The following MAGI2 variants were observed in gnomAD, a reference collection of about 807,000 sequenced individuals.
MAGI2 encodes membrane-associated guanylate kinase, WW and PDZ domain-containing protein 2.
Under a neutral mutation model 133.3 loss-of-function variants are expected in MAGI2, and 35 were observed. The observed-to-expected ratio is 0.26, with a 90% CI of 0.20 to 0.35. The LOEUF is 0.35. Ranked by LOEUF, MAGI2 falls within the 10% of genes least tolerant of loss-of-function variation. MAGI2 has a pLI of 1.00. For synonymous variants in MAGI2, 729 were observed against 710.6 expected (o/e 1.03, Z -0.41); for missense variants, 1,636 against 1,863.4 (o/e 0.88, Z 2.25).
chr7:78,815,762 A>G lies in MAGI2; in HGVS notation c.419-188523T>C, dbSNP rs184851439. 1.8e-4 allele frequency among the ~76,000 whole-genome samples: 28 copies of G among 152,312 alleles called. No homozygotes were observed. The East Asian group carries it at 4.8e-3, about 26-fold the overall frequency. On this transcript the variant is annotated intron_variant, in intron 2 of 21. Coordinates refer to ENST00000354212, the MANE Select transcript of MAGI2 (RefSeq NM_012301.4). ...GACAGCAAAATTAATCAAGAAATGT[A>G]TATATTCTTACTGCTCCACCAAATA...
chr7:78,213,306 G>C (rs1787949626), intron 10 of MAGI2, among the ~76,000 whole-genome samples: 1 of 152,050 alleles, frequency 6.6e-6, no homozygotes, highest in East Asian at 1.9e-4. Flanking sequence ...ATCTTGACAG[G>C]GTCCCCAGGT....
At chr7:79,209,934 A>G (rs1188209469) in intron 1 of MAGI2, among the ~76,000 whole-genome samples, 1 of 151,964 alleles carries the variant, frequency 6.6e-6, no homozygotes, top group African/African-American at 2.4e-5. Flanking sequence ...ACTCTATTTT[A>G]TTTTTATTTA....
chr7:79,039,847 C>CAT (rs1046172671), intron 1 of MAGI2, among the ~76,000 whole-genome samples: 120 of 140,420 alleles, frequency 8.5e-4, no homozygotes, highest in African/African-American at 2.9e-3. Context: ...ATTATATATA[C>CAT]ATATATATTA....
At chr7:78,252,328 A>T (rs946424982) in intron 10 of MAGI2, 1 of 152,100 alleles carries the variant, frequency 6.6e-6, no homozygotes, top group African/African-American at 2.4e-5. Flanking sequence ...AGACAAACAG[A>T]TCAATGGAAC....
intron 1 of MAGI2, among the ~76,000 whole-genome samples, chr7:79,076,152 T>C (rs764068473): frequency 6.6e-6 from 1 of 152,220 alleles, no homozygotes. Context: ...CTCAACTTTA[T>C]GGTGCATCAA....
intron 20 of MAGI2, among the ~76,000 whole-genome samples, chr7:78,102,534 A>G (rs1818295620): frequency 6.6e-6 from 1 of 152,164 alleles, no homozygotes; most frequent in South Asian, 2.1e-4. Context: ...AAAGAAAATT[A>G]TCTTAAACTT....
At chr7:79,087,220 T>G (rs1436178287) in intron 1 of MAGI2, among the ~76,000 whole-genome samples, 3 of 151,766 alleles carry the variant, frequency 2.0e-5, no homozygotes, top group African/African-American at 7.3e-5. Context: ...TATTCAAGAG[T>G]GAAAGGCTGC....
intron 4 of MAGI2, among the ~76,000 whole-genome samples, chr7:78,513,595 T>C (rs1292365254): frequency 6.6e-6 from 1 of 152,144 alleles, no homozygotes; most frequent in Non-Finnish European, 1.5e-5. Context: ...CTGGAGAACC[T>C]GAAGAAACTT....
intron 6 of MAGI2, among the ~76,000 whole-genome samples, chr7:78,369,886 A>G (rs1456881364): frequency 7.2e-5 from 11 of 152,066 alleles, no homozygotes; most frequent in Non-Finnish European, 1.6e-4. Flanking sequence ...ATCCTATTAC[A>G]GGCAAAAACA....
intron 1 of MAGI2, among the ~76,000 whole-genome samples, chr7:79,024,103 C>T (rs1195693385): frequency 2.0e-5 from 3 of 152,094 alleles, no homozygotes; most frequent in Admixed American, 1.3e-4. Context: ...GCTACATTCA[C>T]CAAAACAGCA....
intron 2 of MAGI2, among the ~76,000 whole-genome samples, chr7:78,864,221 C>T (rs951994445): frequency 7.2e-5 from 11 of 152,142 alleles, no homozygotes; most frequent in Admixed American, 7.2e-4. Flanking sequence ...TGGGCTTACC[C>T]TTACAACAAA....
intron 1 of MAGI2, among the ~76,000 whole-genome samples, chr7:79,363,682 CA>C (rs1842507333): frequency 8.2e-6 from 1 of 122,204 alleles, no homozygotes; most frequent in East Asian, 2.4e-4. Context: ...AGTACTGGCA[CA>C]AAACTGAAAA....
At chr7:78,368,906 T>C (rs569006621) in intron 7 of MAGI2, among the ~76,000 whole-genome samples, 2 of 152,230 alleles carry the variant, frequency 1.3e-5, no homozygotes, top group South Asian at 2.1e-4. Context: ...TATCACTCAT[T>C]TAGAGGACAG....
At chr7:79,189,536 C>T (rs78350190) in intron 1 of MAGI2, among the ~76,000 whole-genome samples, 4,427 of 151,112 alleles carry the variant, frequency 0.029, 101 homozygotes, top group East Asian at 0.04. Flanking sequence ...TTCCATTTAC[C>T]CCTTCTATTC....
intron 2 of MAGI2, among the ~76,000 whole-genome samples, chr7:78,703,608 A>G (rs563233997): frequency 2.6e-5 from 4 of 152,172 alleles, no homozygotes; most frequent in East Asian, 1.9e-4. Flanking sequence ...GCACTTCCCT[A>G]TAGATATGAA....
chr7:78,299,962 A>C (rs1403361033), intron 9 of MAGI2, among the ~76,000 whole-genome samples: 1 of 152,200 alleles, frequency 6.6e-6, no homozygotes, highest in African/African-American at 2.4e-5. Flanking sequence ...TTTCTTTTTC[A>C]TCATGGAATT....
At chr7:79,316,693 A>T (rs546558021) in intron 1 of MAGI2, among the ~76,000 whole-genome samples, 2 of 152,274 alleles carry the variant, frequency 1.3e-5, no homozygotes, top group Admixed American at 6.5e-5. Context: ...TATCAGACCA[A>T]TTCCGTCTCT....
intron 2 of MAGI2, among the ~76,000 whole-genome samples, chr7:78,840,458 G>T (rs749884883): frequency 1.3e-5 from 2 of 151,972 alleles, no homozygotes; most frequent in Admixed American, 1.3e-4. Flanking sequence ...TCTGTGGTGC[G>T]CCTGTGAATG....
intron 1 of MAGI2, among the ~76,000 whole-genome samples, chr7:79,168,604 C>T (rs946149436): frequency 1.3e-5 from 2 of 151,982 alleles, no homozygotes; most frequent in African/African-American, 4.8e-5. Context: ...CACTGTCTTC[C>T]ATGATGACTT....
Sources: allele counts gnomAD v4.1 joint callset (sites outside exome capture counted in the v4.1 genomes callset), GRCh38; gene constraint gnomAD v4.1.1; transcripts MANE v1.5; gene names NCBI Gene and HGNC (gene_info 2026-07-23, HGNC 2026-07-21).